The following KLF8 variants were observed in gnomAD, a reference collection of about 807,000 sequenced individuals.
KLF8 encodes Krueppel-like factor 8.
KLF8 carries 10 observed loss-of-function variants against 18.2 expected under a neutral mutation model. The ratio of observed to expected loss-of-function variants is 0.55; its 90% confidence interval spans 0.34 to 0.93. The LOEUF is 0.93. Ranked by LOEUF, KLF8 falls within the 40% of genes least tolerant of loss-of-function variation. The probability of loss-of-function intolerance (pLI) is 0.02; values close to 1 mark genes in which losing one functional copy is unlikely to be tolerated. For synonymous variants in KLF8, 109 were observed against 97.3 expected (o/e 1.12, Z -0.71); for missense variants, 264 against 277.9 (o/e 0.95, Z 0.36).
chrX:56,278,388 T>C (rs1340884733), intron 5 of KLF8, among the ~76,000 whole-genome samples: 2 of 110,724 alleles, frequency 1.8e-5, no homozygotes, highest in Non-Finnish European at 3.8e-5. Flanking sequence ...CAGAACTGGG[T>C]TCTTCTCTTC....
At chrX:55,908,344 G>T in the KLF8 span, 1 of 285,857 alleles carries the variant, frequency 3.5e-6, no homozygotes, top group African/African-American at 2.8e-5. Context: ...GCCAGCCTAA[G>T]TGGGACGAAC....
the KLF8 span, among the ~76,000 whole-genome samples, chrX:56,100,698 C>G: frequency 9.0e-6 from 1 of 111,721 alleles, no homozygotes; most frequent in Non-Finnish European, 1.9e-5. Flanking sequence ...CAAAGAAACA[C>G]CTGCAAGATG....
the KLF8 span, among the ~76,000 whole-genome samples, chrX:56,174,761 C>T: frequency 4.5e-4 from 50 of 111,500 alleles, no homozygotes; most frequent in African/African-American, 1.6e-3. Flanking sequence ...TTAATTATTG[C>T]CTCAATTTCA....
At chrX:56,162,417 C>G in the KLF8 span, among the ~76,000 whole-genome samples, 2 of 112,012 alleles carry the variant, frequency 1.8e-5, no homozygotes, top group Non-Finnish European at 3.8e-5. Flanking sequence ...TGGGCTCCAC[C>G]CAGTTCGAGT....
the KLF8 span, among the ~76,000 whole-genome samples, chrX:56,061,910 AT>A: frequency 1.0e-5 from 1 of 99,348 alleles, no homozygotes; most frequent in Admixed American, 1.0e-4. Flanking sequence ...CTTTACCATT[AT>A]TTAATGTTCT....
At chrX:56,230,564 T>C (rs1487384685), upstream of KLF8, among the ~76,000 whole-genome samples, 2 of 111,310 alleles carry the variant, frequency 1.8e-5, no homozygotes, top group Non-Finnish European at 3.8e-5. Flanking sequence ...ACAGGGACAT[T>C]CTTTTATGAA....
the KLF8 span, among the ~76,000 whole-genome samples, chrX:55,932,035 A>T: frequency 1.3e-4 from 14 of 110,544 alleles, no homozygotes; most frequent in Non-Finnish European, 2.3e-4. Context: ...AACTTGCGTT[A>T]TGAATCTGGG....
the KLF8 span, among the ~76,000 whole-genome samples, chrX:56,222,679 G>T: frequency 8.9e-6 from 1 of 112,866 alleles, no homozygotes; most frequent in Non-Finnish European, 1.9e-5. Context: ...GGAGGCTTGG[G>T]CCGCGCAGGA....
At chrX:56,167,255 C>T in the KLF8 span, among the ~76,000 whole-genome samples, 520 of 111,308 alleles carry the variant, frequency 4.7e-3, 1 homozygote, top group Non-Finnish European at 8.1e-3. Context: ...CTCAGTCTCC[C>T]GAGTAGCTGA....
the KLF8 span, among the ~76,000 whole-genome samples, chrX:55,951,478 C>CAA: frequency 3.8e-4 from 15 of 39,885 alleles, no homozygotes; most frequent in African/African-American, 1.3e-3. Context: ...AACTCCGTCT[C>CAA]AAAAAAAAAA....
chrX:56,028,971 G>T, the KLF8 span, among the ~76,000 whole-genome samples: 1 of 111,023 alleles, frequency 9.0e-6, no homozygotes, highest in Non-Finnish European at 1.9e-5. Context: ...GGAGGGGGGT[G>T]TTCCATGGAG....
the KLF8 span, among the ~76,000 whole-genome samples, chrX:56,025,416 G>T: frequency 9.0e-6 from 1 of 111,668 alleles, no homozygotes; most frequent in South Asian, 3.8e-4. Flanking sequence ...TGCAGGAGGG[G>T]CTGCTTTTTC....
At chrX:56,144,953 C>T in the KLF8 span, among the ~76,000 whole-genome samples, 1 of 106,538 alleles carries the variant, frequency 9.4e-6, no homozygotes, top group South Asian at 4.4e-4. Flanking sequence ...CCACCACACC[C>T]GGCTAATTTT....
chrX:56,269,002 T>C lies in KLF8; in HGVS notation c.647-376T>C, dbSNP rs2067009079. 5.8e-6 allele frequency: 5 copies of C among 860,024 alleles called. No homozygotes were observed. In the South Asian group the frequency reaches 1.1e-4, roughly 18 times the overall value. 70.9% of individuals were successfully genotyped at this position (860,024 alleles called of 1,213,427 possible). ...GCCAGGAGCTATTCAGTGAGTTCAA[T>C]TCAACACACACACACACACACACAC... On this transcript the variant is annotated intron_variant, in intron 3 of 5. Coordinates refer to ENST00000468660, the MANE Select transcript of KLF8 (RefSeq NM_007250.5).
the KLF8 span, among the ~76,000 whole-genome samples, chrX:56,198,561 A>T: frequency 8.9e-6 from 1 of 112,055 alleles, no homozygotes; most frequent in Non-Finnish European, 1.9e-5. Flanking sequence ...AAAGAGAACT[A>T]CAAACCAATG....
chrX:56,083,566 A>G, the KLF8 span, among the ~76,000 whole-genome samples: 1 of 111,995 alleles, frequency 8.9e-6, no homozygotes, highest in Non-Finnish European at 1.9e-5. Context: ...ACGTAATTTA[A>G]TAATTTATTT....
chrX:56,049,614 A>C, the KLF8 span, among the ~76,000 whole-genome samples: 1 of 102,109 alleles, frequency 9.8e-6, no homozygotes, highest in Admixed American at 1.1e-4. Context: ...CCAGGGATGA[A>C]GCCCACTTGA....
At chrX:56,224,723 G>A in the KLF8 span, among the ~76,000 whole-genome samples, 3 of 111,725 alleles carry the variant, frequency 2.7e-5, no homozygotes, top group Non-Finnish European at 5.6e-5. Context: ...AAATTTTAAT[G>A]GCTATATAAT....
At chrX:55,995,830 C>T in the KLF8 span, among the ~76,000 whole-genome samples, 2 of 110,838 alleles carry the variant, frequency 1.8e-5, no homozygotes, top group African/African-American at 6.6e-5. Context: ...TCTTGTTGAC[C>T]TTGGAGAATC....
Sources: allele counts gnomAD v4.1 joint callset (sites outside exome capture counted in the v4.1 genomes callset), GRCh38; gene constraint gnomAD v4.1.1; transcripts MANE v1.5; gene names NCBI Gene and HGNC (gene_info 2026-07-23, HGNC 2026-07-21).